The following KAZN variants were observed in gnomAD, a reference collection of about 807,000 sequenced individuals.
KAZN encodes the protein kazrin, periplakin interacting protein.
Under a neutral mutation model 87.4 loss-of-function variants are expected in KAZN, and 40 were observed. The ratio of observed to expected loss-of-function variants is 0.46; its 90% CI spans 0.36 to 0.60. The LOEUF (loss-of-function observed/expected upper bound fraction) is 0.60. Ranked by LOEUF, KAZN falls within the 20% of genes least tolerant of loss-of-function variation. The pLI, the probability that KAZN is intolerant of heterozygous loss-of-function variation, is 0.00. For missense variants in KAZN, 898 were observed against 1,073.9 expected, an observed-to-expected ratio of 0.84 and a Z score of 2.29; for synonymous variants, 466 against 458.3, an observed-to-expected ratio of 1.02 and a Z score of -0.22.
intron 8 of KAZN, chr1:15,067,365 T>C (rs1374181070): frequency 2.0e-6 from 2 of 985,312 alleles, no homozygotes; most frequent in Non-Finnish European, 2.4e-6. Context: ...TCTGCCTATA[T>C]GGGGGGTGGC....
intron 2 of KAZN, among the ~76,000 whole-genome samples, chr1:14,358,265 AC>A (rs1375372697): frequency 6.7e-6 from 1 of 148,668 alleles, no homozygotes; most frequent in Non-Finnish European, 1.5e-5. Flanking sequence ...CAGTGGTGAT[AC>A]CCCCTGTTTC....
intron 1 of KAZN, among the ~76,000 whole-genome samples, chr1:14,171,340 T>C (rs1210229548): frequency 6.6e-6 from 1 of 151,544 alleles, no homozygotes; most frequent in African/African-American, 2.5e-5. Flanking sequence ...GAAAATTCTG[T>C]GTTCAACTTA....
At chr1:14,112,860 C>T (rs148187107) in intron 1 of KAZN, among the ~76,000 whole-genome samples, 145 of 152,286 alleles carry the variant, frequency 9.5e-4, no homozygotes, top group African/African-American at 3.5e-3. Flanking sequence ...TGCATCCCAG[C>T]CTCCAGCCCT....
At chr1:14,585,030 A>T (rs1485051475) in intron 2 of KAZN, among the ~76,000 whole-genome samples, 2 of 152,134 alleles carry the variant, frequency 1.3e-5, no homozygotes, top group African/African-American at 4.8e-5. Context: ...TCCTTACAAG[A>T]AGAGGAGATG....
chr1:14,811,493 A>C (rs953454834), intron 1 of KAZN, among the ~76,000 whole-genome samples: 4 of 152,262 alleles, frequency 2.6e-5, no homozygotes, highest in Non-Finnish European at 4.4e-5. Context: ...ATAGTAGATC[A>C]GTATTTTAAA....
chr1:14,156,965 A>T (rs1570896644), intron 1 of KAZN, among the ~76,000 whole-genome samples: 1 of 131,694 alleles, frequency 7.6e-6, no homozygotes, highest in Non-Finnish European at 1.7e-5. Flanking sequence ...TTCTTTGGTG[A>T]TATGATTTCA....
chr1:14,708,439 C>CA (rs1224480374), intron 1 of KAZN, among the ~76,000 whole-genome samples: 7 of 151,964 alleles, frequency 4.6e-5, no homozygotes, highest in Admixed American at 3.3e-4. Context: ...CACCAAAGCA[C>CA]AAAAAAAACT....
chr1:14,570,880 C>G (rs945140441), intron 2 of KAZN, among the ~76,000 whole-genome samples: 1 of 152,130 alleles, frequency 6.6e-6, no homozygotes, highest in African/African-American at 2.4e-5. Context: ...TTCACTATAC[C>G]TCTGTTTCAA....
intron 3 of KAZN, among the ~76,000 whole-genome samples, chr1:15,038,481 C>T (rs1350945172): frequency 1.3e-5 from 2 of 151,890 alleles, no homozygotes; most frequent in Admixed American, 6.6e-5. Flanking sequence ...TAATACCAGA[C>T]GTTTGTTGTG....
At chr1:14,083,909 G>C (rs931769926) in intron 1 of KAZN, among the ~76,000 whole-genome samples, 2 of 152,200 alleles carry the variant, frequency 1.3e-5, no homozygotes, top group Non-Finnish European at 2.9e-5. Flanking sequence ...ATCACTTACT[G>C]TGTGTTAGTC....
intron 2 of KAZN, among the ~76,000 whole-genome samples, chr1:15,008,138 C>A (rs146385041): frequency 1.3e-5 from 2 of 152,360 alleles, no homozygotes; most frequent in African/African-American, 2.4e-5. Context: ...GCTGCTCCCC[C>A]TGGAAGCTCA....
chr1:13,931,522 A>C (rs903082478), intron 1 of KAZN, among the ~76,000 whole-genome samples: 2 of 151,856 alleles, frequency 1.3e-5, no homozygotes, highest in Non-Finnish European at 2.9e-5. Context: ...TTTTTTCTTG[A>C]AAGATGCTGA....
chr1:14,345,686 A>G (rs1462155479), intron 2 of KAZN, among the ~76,000 whole-genome samples: 1 of 152,224 alleles, frequency 6.6e-6, no homozygotes, highest in Non-Finnish European at 1.5e-5. Context: ...CGCTTAGATT[A>G]TGATGTCCTT....
chr1:14,165,116 TGTG>T (rs1645798062), intron 1 of KAZN, among the ~76,000 whole-genome samples: 1 of 152,324 alleles, frequency 6.6e-6, no homozygotes, highest in African/African-American at 2.4e-5. Context: ...GGACCAGAAT[TGTG>T]TGTCATGTGT....
At chr1:14,219,692 T>C (rs1229784905) in intron 2 of KAZN, among the ~76,000 whole-genome samples, 2 of 152,208 alleles carry the variant, frequency 1.3e-5, no homozygotes, top group South Asian at 2.1e-4. Flanking sequence ...CAAAGTATTA[T>C]GATAGTATAG....
chr1:14,031,998 T>C, intron 1 of KAZN, among the ~76,000 whole-genome samples: 1 of 152,200 alleles, frequency 6.6e-6, no homozygotes, highest in East Asian at 1.9e-4. Flanking sequence ...GTAACTTGAA[T>C]GTTACGTCTG....
chr1:14,905,873 A>G (rs928176507), intron 1 of KAZN, among the ~76,000 whole-genome samples: 6 of 145,804 alleles, frequency 4.1e-5, no homozygotes, highest in African/African-American at 1.0e-4. Context: ...TAATAATAAT[A>G]ATGATACAGC....
intron 1 of KAZN, among the ~76,000 whole-genome samples, chr1:14,867,999 G>A (rs899540147): frequency 1.5e-5 from 1 of 67,072 alleles, no homozygotes; most frequent in Non-Finnish European, 4.1e-5. Flanking sequence ...GGATACACAG[G>A]CATCACAAAC....
intron 2 of KAZN, among the ~76,000 whole-genome samples, chr1:14,490,201 C>T (rs1372585510): frequency 6.6e-6 from 1 of 152,150 alleles, no homozygotes; most frequent in Non-Finnish European, 1.5e-5. Flanking sequence ...TATCTTCCAC[C>T]CTTTTGTTCT....
Sources: gnomAD v4.1 joint callset for allele counts (sites outside exome capture counted in the v4.1 genomes callset) on GRCh38, gnomAD v4.1.1 for gene constraint, MANE v1.5 for transcripts, NCBI Gene and HGNC (gene_info 2026-07-23, HGNC 2026-07-21) for gene names.